PRKD1: variants seen among roughly 807,000 people sequenced by gnomAD.
The protein encoded by PRKD1 is protein kinase D1, also known as serine/threonine-protein kinase D1.
PRKD1 carries 63 observed loss-of-function variants against 95.9 expected under a neutral mutation model. That is an observed-to-expected ratio of 0.66 (90% CI 0.54 to 0.81). The LOEUF is 0.81. PRKD1 is among the 30% of genes least tolerant of loss of function. The pLI is 0.00. For missense variants in PRKD1, 1,048 were observed against 1,165.3 expected, an observed-to-expected ratio of 0.90 and a Z score of 1.47; for synonymous variants, 425 against 423.1, an observed-to-expected ratio of 1.00 and a Z score of -0.05.
rs935924499 is a variant in PRKD1 at position 29,742,875 on chromosome 14, C to T, written c.265-17201G>A. 2.6e-5 allele frequency among the ~76,000 whole-genome samples: 4 copies of T among 152,164 alleles called. 1 individual carries two copies. Among genetic ancestry groups the T allele is most frequent in the Non-Finnish European group, 5.9e-5 (4 of 68,038 alleles). On this transcript the variant is annotated intron_variant, in intron 1 of 17. Coordinates refer to ENST00000331968, the MANE Select transcript of PRKD1 (RefSeq NM_002742.3). The stretch of plus-strand genomic sequence containing the variant: ...GTTATTCAGTACAAGTTTGTATCTT[C>T]ATTTTATTGGATAACTGGGAACACA...
chr14:29,698,483 A>C (rs924212652), intron 2 of PRKD1, among the ~76,000 whole-genome samples: 2 of 152,128 alleles, frequency 1.3e-5, no homozygotes, highest in Admixed American at 6.6e-5. Flanking sequence ...TTCTAACTTA[A>C]TTTCTGCTTT....
At chr14:29,636,044 C>CA (rs10590081) in intron 7 of PRKD1, among the ~76,000 whole-genome samples, 19 of 143,150 alleles carry the variant, frequency 1.3e-4, no homozygotes, top group East Asian at 6.2e-4. Context: ...CTCTCACATG[C>CA]AAAAAAAAAA....
chr14:29,723,668 T>TGC (rs945102602), intron 2 of PRKD1, among the ~76,000 whole-genome samples: 4 of 86,934 alleles, frequency 4.6e-5, no homozygotes, highest in African/African-American at 8.5e-5. Flanking sequence ...TAATTGAGTG[T>TGC]GCGTGTGTGT....
intron 1 of PRKD1, among the ~76,000 whole-genome samples, chr14:29,839,142 A>T (rs556496496): frequency 8.5e-5 from 13 of 152,346 alleles, no homozygotes; most frequent in Admixed American, 3.9e-4. Context: ...ACTGATGATT[A>T]ACAGCAGACA....
intron 1 of PRKD1, among the ~76,000 whole-genome samples, chr14:29,884,015 T>C (rs1340788275): frequency 6.6e-6 from 1 of 152,204 alleles, no homozygotes; most frequent in Non-Finnish European, 1.5e-5. Flanking sequence ...TGGCAACTCC[T>C]ACCCTAAAAT....
intron 1 of PRKD1, among the ~76,000 whole-genome samples, chr14:29,797,952 T>C (rs1463416270): frequency 6.6e-6 from 1 of 152,186 alleles, no homozygotes; most frequent in Non-Finnish European, 1.5e-5. Flanking sequence ...TATATACCAG[T>C]AATTCAATCA....
At chr14:29,712,502 T>C (rs985827673) in intron 2 of PRKD1, among the ~76,000 whole-genome samples, 13 of 152,142 alleles carry the variant, frequency 8.5e-5, no homozygotes, top group African/African-American at 2.7e-4. Context: ...CTGATTCAAA[T>C]CCCAATTCTT....
At chr14:29,672,356 T>A (rs1036202638) in intron 2 of PRKD1, among the ~76,000 whole-genome samples, 9 of 149,602 alleles carry the variant, frequency 6.0e-5, no homozygotes, top group African/African-American at 4.9e-5. Context: ...AAAAATAAAA[T>A]AAAATAAAAT....
At chr14:29,837,993 G>A (rs1352107725) in intron 1 of PRKD1, among the ~76,000 whole-genome samples, 1 of 152,126 alleles carries the variant, frequency 6.6e-6, no homozygotes, top group African/African-American at 2.4e-5. Flanking sequence ...CTTCATTGCT[G>A]TGGGCTTGGG....
At chr14:29,840,018 A>T (rs1217081385) in intron 1 of PRKD1, among the ~76,000 whole-genome samples, 1 of 151,750 alleles carries the variant, frequency 6.6e-6, no homozygotes, top group Non-Finnish European at 1.5e-5. Flanking sequence ...ATTAACATTC[A>T]GCTCATTACT....
chr14:29,899,085 A>C (rs1566661560), intron 1 of PRKD1, among the ~76,000 whole-genome samples: 1 of 152,192 alleles, frequency 6.6e-6, no homozygotes, highest in Admixed American at 6.5e-5. Context: ...AGCATTTGCT[A>C]TTTTGAGTTC....
At chr14:29,582,822 TG>T (rs1289601053) in intron 16 of PRKD1, among the ~76,000 whole-genome samples, 2 of 152,050 alleles carry the variant, frequency 1.3e-5, no homozygotes, top group Non-Finnish European at 2.9e-5. Flanking sequence ...CTAGAGTGAA[TG>T]TGGCAGGACA....
intron 2 of PRKD1, among the ~76,000 whole-genome samples, chr14:29,704,989 A>G (rs1885010377): frequency 6.6e-6 from 1 of 152,126 alleles, no homozygotes. Context: ...TTACCACTGC[A>G]TAAAATGCCA....
chr14:29,645,941 CTTAT>C (rs1438491660), intron 4 of PRKD1, among the ~76,000 whole-genome samples: 1 of 152,074 alleles, frequency 6.6e-6, no homozygotes, highest in South Asian at 2.1e-4. Context: ...TTATTTACCT[CTTAT>C]TTGTTTACTG....
intron 16 of PRKD1, among the ~76,000 whole-genome samples, chr14:29,583,693 T>C (rs1356531814): frequency 1.3e-5 from 2 of 152,222 alleles, no homozygotes; most frequent in African/African-American, 2.4e-5. Flanking sequence ...CTTTTTTTTC[T>C]CTTCTTATGG....
chr14:29,577,752 A>G (rs1351020054), intron 17 of PRKD1, among the ~76,000 whole-genome samples: 1 of 152,200 alleles, frequency 6.6e-6, no homozygotes, highest in Non-Finnish European at 1.5e-5. Context: ...GCCTACAAAT[A>G]ATCTTTCAGT....
At chr14:29,742,098 G>C (rs1269947864) in intron 1 of PRKD1, among the ~76,000 whole-genome samples, 1 of 152,094 alleles carries the variant, frequency 6.6e-6, no homozygotes, top group African/African-American at 2.4e-5. Flanking sequence ...AGTGGACAGT[G>C]CATCTGATTT....
chr14:29,628,625 G>A (rs1879783351), intron 11 of PRKD1, among the ~76,000 whole-genome samples: 1 of 152,132 alleles, frequency 6.6e-6, no homozygotes. Context: ...GCAACTCCTT[G>A]TCATATTATG....
At chr14:29,707,540 G>A (rs966448300) in intron 2 of PRKD1, among the ~76,000 whole-genome samples, 1 of 152,106 alleles carries the variant, frequency 6.6e-6, no homozygotes, top group East Asian at 1.9e-4. Context: ...AATTATATTC[G>A]AGTGGGGAAG....
Sources: gnomAD v4.1 joint callset for allele counts (sites outside exome capture counted in the v4.1 genomes callset) on GRCh38, gnomAD v4.1.1 for gene constraint, MANE v1.5 for transcripts, NCBI Gene and HGNC (gene_info 2026-07-23, HGNC 2026-07-21) for gene names.